PASD1: variants seen among roughly 807,000 people sequenced by gnomAD.
PASD1 encodes circadian clock protein PASD1.
In PASD1, 13 loss-of-function variants were observed where a neutral mutation model predicts 58.8. The ratio of observed to expected loss-of-function variants is 0.22; its 90% CI spans 0.14 to 0.35. PASD1 has a LOEUF of 0.35. PASD1 is among the 10% of genes least tolerant of loss of function. PASD1 has a pLI of 1.00. For missense variants in PASD1, 734 were observed against 568.3 expected (o/e 1.29, Z -2.96); for synonymous variants, 236 against 216.7 (o/e 1.09, Z -0.78).
At chrX:151,594,940 C>A (rs534948804) in intron 1 of PASD1, among the ~76,000 whole-genome samples, 15 of 111,693 alleles carry the variant, frequency 1.3e-4, no homozygotes, top group East Asian at 5.6e-4. Context: ...TCCAACCCCC[C>A]CTTCCCAGCA....
rs1238331003 is a variant in PASD1, at chrX:151,585,655, G to T, written c.-27-15872G>T. Reference sequence around the variant, plus strand: ...ACAGACAGGCTATGGTTGCTGGTCAGTTGGGCCCAAACCAGGGCAGAGAAG... The same window carrying T: ...ACAGACAGGCTATGGTTGCTGGTCATTTGGGCCCAAACCAGGGCAGAGAAG... On this transcript the variant is annotated intron_variant, in intron 1 of 15. Coordinates refer to ENST00000370357, the MANE Select transcript of PASD1 (RefSeq NM_173493.3). 4.5e-5 allele frequency among the ~76,000 whole-genome samples: 5 copies of T among 111,383 alleles called. No homozygotes were observed. In the Admixed American group the frequency reaches 4.8e-4, roughly 11 times the overall value.
chrX:151,640,997 T>C (rs1010849769), intron 8 of PASD1: 3 of 112,109 alleles, frequency 2.7e-5, no homozygotes, highest in Admixed American at 9.5e-5. Context: ...GTTTTCTCTT[T>C]ATTATTTGAC....
chrX:151,616,087 A>G (rs2013633622), intron 4 of PASD1, among the ~76,000 whole-genome samples: 1 of 112,319 alleles, frequency 8.9e-6, no homozygotes, highest in Non-Finnish European at 1.9e-5. Context: ...TAGAGATGAT[A>G]AAGTCAGAGC....
chrX:151,660,668 A>ATTCACTACTGTTAAGCCAATGATG (rs1250986600), intron 10 of PASD1, among the ~76,000 whole-genome samples: 6 of 112,527 alleles, frequency 5.3e-5, no homozygotes, highest in Non-Finnish European at 9.4e-5. Context: ...AATTATTTGT[A>ATTCACTACTGTTAAGCCAATGATG]TTCACTACTG....
chrX:151,607,304 C>T (rs937529683), intron 3 of PASD1, among the ~76,000 whole-genome samples: 1 of 112,131 alleles, frequency 8.9e-6, no homozygotes, highest in Non-Finnish European at 1.9e-5. Flanking sequence ...AACTCTAGTG[C>T]ATTCATTTTT....
intron 1 of PASD1, among the ~76,000 whole-genome samples, chrX:151,575,193 A>T (rs1181765179): frequency 9.4e-6 from 1 of 105,829 alleles, no homozygotes; most frequent in Non-Finnish European, 1.9e-5. Flanking sequence ...GCAAAAGCTA[A>T]AAGCAGTTTA....
rs187274736 is a variant in PASD1, at chrX:151,583,885, A to G, written c.-27-17642A>G. ...GAAGAATTCAGGCTAAGTCTAAGGG[A>G]AATCAAAAGAAGATCTAAAAGAGAT... On this transcript the variant is annotated intron_variant, in intron 1 of 15. Coordinates refer to ENST00000370357, the MANE Select transcript of PASD1 (RefSeq NM_173493.3). 3.2e-3 allele frequency among the ~76,000 whole-genome samples: 360 copies of G among 112,228 alleles called. 3 individuals are homozygous for G. Among genetic ancestry groups the G allele is most frequent in the Admixed American group, 0.031 (328 of 10,558 alleles).
intron 3 of PASD1, among the ~76,000 whole-genome samples, chrX:151,611,338 A>AAATT (rs1239184635): frequency 8.9e-6 from 1 of 111,880 alleles, no homozygotes; most frequent in Non-Finnish European, 1.9e-5. Flanking sequence ...AACATTTTTG[A>AAATT]AATTAAGTGT....
At position 151,613,492 on chromosome X, in the gene PASD1, C is replaced by G. The variant is rs775009198; in HGVS notation, c.207+1739C>G. Among the ~76,000 whole-genome samples, 261 of 107,828 alleles carry G rather than the reference C, an allele frequency of 2.4e-3. 1 individual carries two copies. Among genetic ancestry groups the G allele is most frequent in the African/African-American group, 8.4e-3 (244 of 29,204 alleles). The allele number at this position is 107,828 out of a possible 115,157, so 93.6% of individuals were successfully genotyped here. On this transcript the variant is annotated intron_variant, in intron 4 of 15. Coordinates refer to ENST00000370357, the MANE Select transcript of PASD1 (RefSeq NM_173493.3). ...ATTTGTTTGTATCCTCTTTTATTTC[C>G]TTGAGCAGTGGTTTGTAGTTCTCCT...
At chrX:151,594,092 G>T (rs962592938) in intron 1 of PASD1, among the ~76,000 whole-genome samples, 11 of 110,578 alleles carry the variant, frequency 9.9e-5, no homozygotes, top group African/African-American at 3.6e-4. Context: ...TCCTGCCTCA[G>T]CCTCCTGAGC....
intron 8 of PASD1, among the ~76,000 whole-genome samples, chrX:151,627,920 C>T (rs1211511462): frequency 6.3e-5 from 7 of 111,695 alleles, no homozygotes; most frequent in South Asian, 3.8e-4. Flanking sequence ...GATGGTATCT[C>T]GTTGTGGTTT....
At chrX:151,592,572 AT>A (rs1305268874) in intron 1 of PASD1, among the ~76,000 whole-genome samples, 1 of 112,117 alleles carries the variant, frequency 8.9e-6, no homozygotes, top group Non-Finnish European at 1.9e-5. Flanking sequence ...TTTAAAATTA[AT>A]TTTTATAGTA....
chrX:151,626,709 A>C (rs763829311), intron 8 of PASD1, among the ~76,000 whole-genome samples: 7 of 112,268 alleles, frequency 6.2e-5, no homozygotes, highest in Non-Finnish European at 9.4e-5. Context: ...AGCAAACAAG[A>C]GAACTTTGCA....
chrX:151,628,751 G>A (rs1602941828), intron 8 of PASD1, among the ~76,000 whole-genome samples: 1 of 111,692 alleles, frequency 9.0e-6, no homozygotes, highest in South Asian at 3.8e-4. Context: ...GCTTGATGGG[G>A]ATGGCATTGA....
chrX:151,652,589 A>G (rs1356324643), intron 9 of PASD1, among the ~76,000 whole-genome samples: 1 of 110,448 alleles, frequency 9.1e-6, no homozygotes, highest in Non-Finnish European at 1.9e-5. Context: ...AACCCAAACA[A>G]AAGAGAAGGT....
At chrX:151,586,658 C>T (rs1324780469) in intron 1 of PASD1, among the ~76,000 whole-genome samples, 1 of 111,943 alleles carries the variant, frequency 8.9e-6, no homozygotes, top group Non-Finnish European at 1.9e-5. Context: ...GCCCCAACCT[C>T]TCCCAGCTGA....
chrX:151,565,313 G>C (rs977191626), intron 1 of PASD1, among the ~76,000 whole-genome samples: 1 of 112,064 alleles, frequency 8.9e-6, no homozygotes, highest in African/African-American at 3.3e-5. Flanking sequence ...GACTTTGAAA[G>C]TATTCAGGCC....
intron 1 of PASD1, among the ~76,000 whole-genome samples, chrX:151,571,544 A>G (rs937907388): frequency 9.0e-6 from 1 of 111,395 alleles, no homozygotes; most frequent in Admixed American, 9.5e-5. Context: ...CTCTGTGAAC[A>G]TGTCTTATAG....
At chrX:151,575,674 GTCTCTCTCTCTC>G (rs111471708) in intron 1 of PASD1, among the ~76,000 whole-genome samples, 71 of 107,080 alleles carry the variant, frequency 6.6e-4, no homozygotes, top group African/African-American at 2.3e-3. Flanking sequence ...TTGAGACGAG[GTCTCTCTCTCTC>G]TCTGTCACCC....
Sources: gnomAD v4.1 joint callset for allele counts (sites outside exome capture counted in the v4.1 genomes callset) on GRCh38, gnomAD v4.1.1 for gene constraint, MANE v1.5 for transcripts, NCBI Gene and HGNC (gene_info 2026-07-23, HGNC 2026-07-21) for gene names.